Variants in LUZP1 observed in about 807,000 individuals in gnomAD.
LUZP1 encodes leucine zipper protein 1.
LUZP1 carries 25 observed loss-of-function variants against 71.3 expected under a neutral mutation model. The ratio of observed to expected loss-of-function variants is 0.35; its 90% confidence interval spans 0.26 to 0.49. LUZP1 has a LOEUF of 0.49. Among genes scored for constraint, LUZP1 ranks in the 20% least tolerant of loss-of-function variants. The pLI is 0.99. For missense variants in LUZP1, 1,142 were observed against 1,300.8 expected (o/e 0.88, Z 1.88); for synonymous variants, 481 against 506.4 (o/e 0.95, Z 0.67).
intron 2 of LUZP1, among the ~76,000 whole-genome samples, chr1:23,130,734 C>T (rs913331698): frequency 3.9e-5 from 6 of 151,938 alleles, no homozygotes; most frequent in African/African-American, 1.2e-4. Flanking sequence ...TTATGGAGTA[C>T]TATTTGTATT....
exon 4 of LUZP1, chr1:23,092,102 A>G (rs778660252): frequency 1.2e-6 from 2 of 1,614,206 alleles, no homozygotes; most frequent in African/African-American, 1.3e-5. Flanking sequence ...AGGCTCTGAC[A>G]GATTTCACAG....
intron 1 of LUZP1, among the ~76,000 whole-genome samples, chr1:23,174,153 G>A (rs1387122298): frequency 6.6e-6 from 1 of 152,162 alleles, no homozygotes; most frequent in African/African-American, 2.4e-5. Flanking sequence ...AGAAAAGATG[G>A]TGGTACTAAG....
At chr1:23,171,099 A>ATATAT (rs1553143579) in intron 1 of LUZP1, among the ~76,000 whole-genome samples, 23 of 139,446 alleles carry the variant, frequency 1.6e-4, no homozygotes, top group Non-Finnish European at 3.1e-4. Context: ...AAAAAAAAAA[A>ATATAT]ATATATATAT....
intron 2 of LUZP1, among the ~76,000 whole-genome samples, chr1:23,116,026 A>G (rs1002017655): frequency 3.3e-5 from 5 of 152,200 alleles, no homozygotes; most frequent in Non-Finnish European, 2.9e-5. Flanking sequence ...AGGCAGGAGG[A>G]TCACTCGAGC....
At chr1:23,127,237 C>G (rs1046561539) in intron 2 of LUZP1, among the ~76,000 whole-genome samples, 1 of 152,136 alleles carries the variant, frequency 6.6e-6, no homozygotes, top group Non-Finnish European at 1.5e-5. Flanking sequence ...TTAGAGATTA[C>G]AAAATTGAAG....
chr1:23,159,848 T>C (rs1338339765), intron 2 of LUZP1, among the ~76,000 whole-genome samples: 1 of 152,158 alleles, frequency 6.6e-6, no homozygotes, highest in African/African-American at 2.4e-5. Context: ...GAGCTGGGCA[T>C]GGTGGCATGC....
At chr1:23,149,453 T>C (rs1393647160) in intron 2 of LUZP1, among the ~76,000 whole-genome samples, 2 of 152,110 alleles carry the variant, frequency 1.3e-5, no homozygotes, top group African/African-American at 4.8e-5. Flanking sequence ...CAAACACATA[T>C]ATTTTTAACT....
chr1:23,145,520 A>C (rs1056471875), intron 2 of LUZP1, among the ~76,000 whole-genome samples: 3 of 138,930 alleles, frequency 2.2e-5, no homozygotes, highest in African/African-American at 8.3e-5. Context: ...CCCAGGCTGG[A>C]GTGCAATGGC....
chr1:23,116,638 G>T (rs1644081872), intron 2 of LUZP1, among the ~76,000 whole-genome samples: 1 of 151,546 alleles, frequency 6.6e-6, no homozygotes, highest in African/African-American at 2.4e-5. Flanking sequence ...GAAAAGAAAA[G>T]AAAAGAAAGA....
At chr1:23,132,635 C>T (rs972451188) in intron 2 of LUZP1, among the ~76,000 whole-genome samples, 1 of 151,970 alleles carries the variant, frequency 6.6e-6, no homozygotes, top group African/African-American at 2.4e-5. Context: ...AGCAGATTAT[C>T]CTTATTATTT....
At chr1:23,088,931 T>G in exon 5 of LUZP1, 1 of 1,614,136 alleles carries the variant, frequency 6.2e-7, no homozygotes, top group Non-Finnish European at 8.5e-7. Flanking sequence ...TTGGCCGTAA[T>G]CGTTCCTCGG....
intron 2 of LUZP1, among the ~76,000 whole-genome samples, chr1:23,165,595 G>A (rs558644260): frequency 2.0e-5 from 3 of 151,980 alleles, no homozygotes; most frequent in Non-Finnish European, 2.9e-5. Flanking sequence ...AAAATCACTT[G>A]AGCCCAGGCA....
intron 2 of LUZP1, among the ~76,000 whole-genome samples, chr1:23,130,869 C>T (rs563824422): frequency 5.6e-4 from 85 of 152,168 alleles, no homozygotes; most frequent in Middle Eastern, 3.4e-3. Context: ...GTTCCATATA[C>T]ATACATTGGC....
chr1:23,110,446 T>G (rs1326971682), intron 2 of LUZP1, among the ~76,000 whole-genome samples: 1 of 152,126 alleles, frequency 6.6e-6, no homozygotes, highest in Non-Finnish European at 1.5e-5. Flanking sequence ...ACCTAAAGCT[T>G]TTGTACATGA....
At chr1:23,168,910 G>C (rs940738672) in exon 2 of LUZP1, 1 of 152,170 alleles carries the variant, frequency 6.6e-6, no homozygotes, top group Non-Finnish European at 1.5e-5. Flanking sequence ...CGGGGTCTTT[G>C]TGATGGGCGG....
At chr1:23,084,074 A>G (rs376532485) in exon 5 of LUZP1, 1 of 152,224 alleles carries the variant, frequency 6.6e-6, no homozygotes, top group African/African-American at 2.4e-5. Context: ...CTCCATGGGT[A>G]TGTGCTAAAA....
chr1:23,115,239 G>A (rs1397361097), intron 2 of LUZP1, among the ~76,000 whole-genome samples: 1 of 152,154 alleles, frequency 6.6e-6, no homozygotes, highest in Non-Finnish European at 1.5e-5. Context: ...CCTTTAGGAT[G>A]AGAAGGCAAA....
intron 2 of LUZP1, among the ~76,000 whole-genome samples, chr1:23,167,184 C>G (rs1438107730): frequency 6.6e-6 from 1 of 152,128 alleles, no homozygotes; most frequent in Non-Finnish European, 1.5e-5. Context: ...TGGAACACAC[C>G]TTCCAGATTC....
intron 2 of LUZP1, among the ~76,000 whole-genome samples, chr1:23,146,566 G>A (rs1213681516): frequency 6.6e-6 from 1 of 152,154 alleles, no homozygotes; most frequent in Non-Finnish European, 1.5e-5. Flanking sequence ...GGGAGGCCAA[G>A]GTGGGAGGAT....
Sources: allele counts gnomAD v4.1 joint callset (sites outside exome capture counted in the v4.1 genomes callset), GRCh38; gene constraint gnomAD v4.1.1; transcripts MANE v1.5; gene names NCBI Gene and HGNC (gene_info 2026-07-23, HGNC 2026-07-21).